The following SEC22A variants were observed in gnomAD, a reference collection of about 807,000 sequenced individuals.
The protein encoded by SEC22A is vesicle-trafficking protein SEC22a.
A neutral mutation model predicts 35.3 loss-of-function variants in SEC22A; 22 were observed. That is an observed-to-expected ratio of 0.62 (90% CI 0.45 to 0.89). The LOEUF (loss-of-function observed/expected upper bound fraction) is 0.89. SEC22A is among the 40% of genes least tolerant of loss of function. The pLI is 0.00. For synonymous variants in SEC22A, 119 were observed against 129.5 expected (o/e 0.92, Z 0.55); for missense variants, 354 against 362.5 (o/e 0.98, Z 0.19).
chr3:123,239,772 G>A (rs1265003138), intron 4 of SEC22A, among the ~76,000 whole-genome samples: 1 of 152,022 alleles, frequency 6.6e-6, no homozygotes, highest in Non-Finnish European at 1.5e-5. Context: ...CTCCCATTTT[G>A]TAGGTTGCCT....
At chr3:123,226,045 C>A (rs553249422) in intron 4 of SEC22A, among the ~76,000 whole-genome samples, 5 of 152,236 alleles carry the variant, frequency 3.3e-5, no homozygotes, top group South Asian at 4.2e-4. Context: ...TTTTTTATGG[C>A]TGAATAATAC....
At chr3:123,225,508 C>T (rs1420420453) in intron 4 of SEC22A, among the ~76,000 whole-genome samples, 1 of 152,070 alleles carries the variant, frequency 6.6e-6, no homozygotes, top group East Asian at 1.9e-4. Context: ...CTCAGAGGAT[C>T]TCTTTGCTAG....
intron 6 of SEC22A, among the ~76,000 whole-genome samples, chr3:123,265,672 A>G (rs953372663): frequency 6.6e-6 from 1 of 152,082 alleles, no homozygotes; most frequent in African/African-American, 2.4e-5. Flanking sequence ...ACCTTTTATT[A>G]TAGTTTTATA....
At chr3:123,228,426 T>G (rs1576490667) in intron 4 of SEC22A, among the ~76,000 whole-genome samples, 1 of 131,914 alleles carries the variant, frequency 7.6e-6, no homozygotes, top group Non-Finnish European at 1.6e-5. Context: ...AAAAAAAAAA[T>G]TAGTTGGGCA....
intron 6 of SEC22A, among the ~76,000 whole-genome samples, chr3:123,259,850 A>G (rs1937837294): frequency 6.6e-6 from 1 of 152,014 alleles, no homozygotes; most frequent in Non-Finnish European, 1.5e-5. Flanking sequence ...GACTACTTCT[A>G]GGCTGGGTGT....
chr3:123,267,197 C>T (rs1427691164), intron 6 of SEC22A, among the ~76,000 whole-genome samples: 3 of 151,822 alleles, frequency 2.0e-5, no homozygotes, highest in Admixed American at 6.6e-5. Context: ...TTTTTAATAT[C>T]CTGCCAATCT....
At chr3:123,218,975 A>G (rs1196373196) in intron 2 of SEC22A, among the ~76,000 whole-genome samples, 4 of 152,232 alleles carry the variant, frequency 2.6e-5, no homozygotes, top group African/African-American at 9.6e-5. Context: ...ATATACAATT[A>G]CAAATTGGGT....
intron 1 of SEC22A, among the ~76,000 whole-genome samples, chr3:123,205,356 A>G (rs6438783): frequency 0.85 from 129,672 of 152,202 alleles, 55,834 homozygotes; most frequent in African/African-American, 0.95. Context: ...GAATGTAACT[A>G]CTGTGTTCTG....
At chr3:123,215,664 C>T (rs1223225430) in intron 2 of SEC22A, among the ~76,000 whole-genome samples, 1 of 152,148 alleles carries the variant, frequency 6.6e-6, no homozygotes, top group African/African-American at 2.4e-5. Context: ...TTCAACGTCA[C>T]AAAAATAGTA....
chr3:123,266,347 C>G (rs761599313), intron 6 of SEC22A, among the ~76,000 whole-genome samples: 1 of 151,472 alleles, frequency 6.6e-6, no homozygotes, highest in African/African-American at 2.4e-5. Context: ...TTATTTTGTT[C>G]TTTTTCTAGG....
At chr3:123,239,115 G>A (rs893718186) in intron 4 of SEC22A, among the ~76,000 whole-genome samples, 2 of 151,820 alleles carry the variant, frequency 1.3e-5, no homozygotes, top group African/African-American at 2.4e-5. Context: ...TGTCCACCCC[G>A]TTTTAAAGTA....
At chr3:123,243,237 A>G (rs1478362403) in intron 4 of SEC22A, among the ~76,000 whole-genome samples, 4 of 67,524 alleles carry the variant, frequency 5.9e-5, no homozygotes, top group Non-Finnish European at 8.2e-5. Context: ...AACCTTTCCT[A>G]TTCTGGGAGG....
At chr3:123,244,119 T>TAAA (rs11457450) in intron 4 of SEC22A, among the ~76,000 whole-genome samples, 3 of 152,016 alleles carry the variant, frequency 2.0e-5, no homozygotes, top group South Asian at 2.1e-4. Flanking sequence ...TTTACTGAAG[T>TAAA]AAAAAAAATA....
At chr3:123,221,491 A>AAAAAAAAAAT in intron 2 of SEC22A, among the ~76,000 whole-genome samples, 1 of 150,950 alleles carries the variant, frequency 6.6e-6, no homozygotes, top group African/African-American at 2.4e-5. Flanking sequence ...AAAAAAAAAA[A>AAAAAAAAAAT]AAAGATTACT....
At chr3:123,233,255 C>T (rs1053145035) in intron 4 of SEC22A, among the ~76,000 whole-genome samples, 12 of 152,108 alleles carry the variant, frequency 7.9e-5, no homozygotes, top group African/African-American at 2.9e-4. Context: ...TGTTTAGATA[C>T]ACAAATACTA....
chr3:123,271,162 C>T (rs141001230), intron 6 of SEC22A, among the ~76,000 whole-genome samples: 1,912 of 152,198 alleles, frequency 0.013, 40 homozygotes, highest in African/African-American at 0.045. Context: ...TTGTATTTTC[C>T]TGGGTGAGAA....
chr3:123,256,980 C>T (rs778512254), intron 5 of SEC22A, among the ~76,000 whole-genome samples: 1 of 151,984 alleles, frequency 6.6e-6, no homozygotes. Context: ...AGGATGGTCT[C>T]GATATCCTGA....
rs1937173675 is a variant in SEC22A at position 123,223,874 on chromosome 3, T to C, written c.346+152T>C. On this transcript the variant is annotated intron_variant, in intron 3 of 6. Transcript: ENST00000492595. ...TCTATAAATTATGGTAACTTTTTAC[T>C]TAGATGCTTATTAGAAAAAAATTGT... The C allele has an allele frequency of 2.1e-5, 12 of 578,046 alleles. No individual in the cohort carries two copies. In the South Asian group the frequency reaches 3.3e-4, roughly 16 times the overall value. 35.8% of individuals were successfully genotyped at this position (578,046 alleles called of 1,614,324 possible).
rs1938229517 is a variant in SEC22A, at chr3:123,273,801, T to A, written c.*2079T>A. Reference sequence around the variant, plus strand: ...TCCAGCCTGGCCAACAGAGCGAGACTCTGTCTCAAAAAAGAAAGGTTTTCT... The same window carrying A: ...TCCAGCCTGGCCAACAGAGCGAGACACTGTCTCAAAAAAGAAAGGTTTTCT... On this transcript the variant is annotated 3_prime_UTR_variant, in exon 7 of 7. Transcript: ENST00000492595. The A allele has an allele frequency of 6.6e-6, 1 of 151,374 alleles. No individual in the cohort carries two copies. The highest frequency in any genetic ancestry group is 6.6e-5 in the Admixed American group (1 of 15,202). 9.4% of individuals were successfully genotyped at this position (151,374 alleles called of 1,614,324 possible).
Sources: gnomAD v4.1 joint callset for allele counts (sites outside exome capture counted in the v4.1 genomes callset) on GRCh38, gnomAD v4.1.1 for gene constraint, MANE v1.5 for transcripts, NCBI Gene and HGNC (gene_info 2026-07-23, HGNC 2026-07-21) for gene names.